Variants in XRRA1 observed in about 807,000 individuals in gnomAD.
The protein encoded by XRRA1 is X-ray radiation resistance associated 1, also known as X-ray radiation resistance-associated protein 1.
XRRA1 carries 69 observed loss-of-function variants against 80.2 expected under a neutral mutation model. The ratio of observed to expected loss-of-function variants is 0.86; its 90% CI spans 0.71 to 1.05. The LOEUF is 1.05. XRRA1 is among the 50% of genes least tolerant of loss of function. XRRA1 has a pLI of 0.00. For synonymous variants in XRRA1, 348 were observed against 389.9 expected (o/e 0.89, Z 1.27); for missense variants, 967 against 976.4 (o/e 0.99, Z 0.13).
At chr11:74,902,441 G>T (rs965306564) in intron 10 of XRRA1, among the ~76,000 whole-genome samples, 9 of 151,996 alleles carry the variant, frequency 5.9e-5, no homozygotes, top group African/African-American at 2.2e-4. Flanking sequence ...AGGGAAATCG[G>T]TATATCAGAG....
chr11:74,865,352 T>G lies in XRRA1; in HGVS notation c.1004-2331A>C, dbSNP rs532599274. ...GGAACTATCCTATCTGTGCAGGAAC[T>G]TGCTAGGCAATGTGCACCTCCCTGA... On this transcript the variant is annotated intron_variant, in intron 10 of 18. Coordinates refer to ENST00000684022, the MANE Select transcript of XRRA1 (RefSeq NM_001378157.1). 2.6e-5 allele frequency among the ~76,000 whole-genome samples: 4 copies of G among 152,298 alleles called. No individual in the cohort carries two copies. In the East Asian group the frequency reaches 7.7e-4, roughly 29 times the overall value.
At chr11:74,904,304 A>T (rs1276873634) in intron 10 of XRRA1, among the ~76,000 whole-genome samples, 1 of 152,052 alleles carries the variant, frequency 6.6e-6, no homozygotes, top group Non-Finnish European at 1.5e-5. Flanking sequence ...TTAAAATGTG[A>T]ATTAAAAGTT....
At chr11:74,859,313 G>C (rs1325723998) in intron 11 of XRRA1, 30 bp from the exon 12 acceptor site, 3 of 1,586,522 alleles carry the variant, frequency 1.9e-6, no homozygotes, top group Non-Finnish European at 2.6e-6. Flanking sequence ...CAAAATCAAA[G>C]TGCCCGATAA....
intron 10 of XRRA1, among the ~76,000 whole-genome samples, chr11:74,871,312 A>G (rs2044721631): frequency 6.6e-6 from 1 of 152,128 alleles, no homozygotes; most frequent in African/African-American, 2.4e-5. Context: ...CAGTTGGGGG[A>G]TGCTCCCATT....
Position 74,842,094 on chromosome 11 carries a change from C to T in XRRA1, c.*1106G>A, listed in dbSNP as rs1203956371. On this transcript the variant is annotated 3_prime_UTR_variant, in exon 19 of 19. Coordinates refer to ENST00000684022, the MANE Select transcript of XRRA1 (RefSeq NM_001378157.1). ...GTCCTAAGGGCCTTTTCCCCTCCTG[C>T]CTAGAAAATAGGTTGTGTATTGGTT... is the stretch of plus-strand genomic sequence containing the variant. 2.0e-5 allele frequency: 3 copies of T among 152,010 alleles called. No individual in the cohort carries two copies. Among genetic ancestry groups the T allele is most frequent in the Non-Finnish European group, 2.9e-5 (2 of 68,016 alleles). The allele number at this position is 152,010 out of a possible 1,614,324, so 9.4% of individuals were successfully genotyped here. A position where few individuals can be genotyped will look rare whatever the true frequency, so the allele number is the denominator to read the frequency against.
At chr11:74,927,925 C>T (rs1357160153) in intron 6 of XRRA1, among the ~76,000 whole-genome samples, 4 of 152,220 alleles carry the variant, frequency 2.6e-5, no homozygotes, top group African/African-American at 9.6e-5. Context: ...AACTTTTTCT[C>T]ATGTATATAT....
chr11:74,845,327 G>C (rs1449843478), intron 15 of XRRA1, 56 bp from the exon 16 acceptor site: 3 of 1,524,110 alleles, frequency 2.0e-6, no homozygotes, highest in African/African-American at 1.4e-5. Context: ...TTCATTCCAT[G>C]AACATTCGGA....
At chr11:74,945,999 GT>G (rs1565469925) in intron 1 of XRRA1, among the ~76,000 whole-genome samples, 1 of 151,712 alleles carries the variant, frequency 6.6e-6, no homozygotes, top group African/African-American at 2.4e-5. Context: ...GTCTCACTCT[GT>G]TACCCAGGCT....
chr11:74,927,610 A>G, intron 6 of XRRA1, 122 bp from the exon 7 acceptor site: 1 of 560,394 alleles, frequency 1.8e-6, no homozygotes, highest in South Asian at 2.5e-5. Flanking sequence ...GGTACTTTAC[A>G]TACATGGCCT....
chr11:74,914,437 G>T (rs1937832796), intron 8 of XRRA1, among the ~76,000 whole-genome samples: 1 of 152,186 alleles, frequency 6.6e-6, no homozygotes, highest in African/African-American at 2.4e-5. Flanking sequence ...CTCTTCCATT[G>T]GGCATATGAC....
At chr11:74,846,650 A>G (rs1003958195) in intron 15 of XRRA1, among the ~76,000 whole-genome samples, 1 of 152,138 alleles carries the variant, frequency 6.6e-6, no homozygotes, top group African/African-American at 2.4e-5. Context: ...TTAATATAAT[A>G]TATCAAAACC....
At chr11:74,932,673 T>G (rs1487457898) in intron 5 of XRRA1, among the ~76,000 whole-genome samples, 1 of 152,246 alleles carries the variant, frequency 6.6e-6, no homozygotes, top group East Asian at 1.9e-4. Flanking sequence ...CTCTGAAATC[T>G]TCTATGACTT....
chr11:74,859,116 C>T (rs1404455107), intron 12 of XRRA1, 42 bp downstream of exon 12: 1 of 1,544,476 alleles, frequency 6.5e-7, no homozygotes, highest in Non-Finnish European at 8.7e-7. Context: ...CCCACCTTCC[C>T]ATCTGTGCCC....
intron 10 of XRRA1, among the ~76,000 whole-genome samples, chr11:74,874,044 T>C (rs2045492141): frequency 6.6e-6 from 1 of 151,842 alleles, no homozygotes; most frequent in Admixed American, 6.6e-5. Flanking sequence ...AAGACCATCC[T>C]GGCCAACATG....
At chr11:74,913,089 T>C (rs899040153) in intron 8 of XRRA1, among the ~76,000 whole-genome samples, 4 of 152,196 alleles carry the variant, frequency 2.6e-5, no homozygotes, top group African/African-American at 9.7e-5. Context: ...AAGTCACATA[T>C]CTACCCTGAA....
chr11:74,919,026 G>A (rs1454202153), intron 8 of XRRA1: 1 of 152,220 alleles, frequency 6.6e-6, no homozygotes, highest in Non-Finnish European at 1.5e-5. Flanking sequence ...CTGATCTCTG[G>A]TTATCAACGC....
intron 10 of XRRA1, among the ~76,000 whole-genome samples, chr11:74,897,413 G>C (rs1350205099): frequency 1.3e-5 from 2 of 152,114 alleles, no homozygotes; most frequent in Admixed American, 1.3e-4. Flanking sequence ...TTAAAGAGGA[G>C]GTAGAACATG....
chr11:74,870,163 T>TA (rs1413078047), intron 10 of XRRA1, among the ~76,000 whole-genome samples: 1 of 152,224 alleles, frequency 6.6e-6, no homozygotes, highest in African/African-American at 2.4e-5. Context: ...TCTCAAGACT[T>TA]AGACAACAGG....
intron 4 of XRRA1, among the ~76,000 whole-genome samples, chr11:74,934,204 T>C (rs1555100307): frequency 2.6e-5 from 4 of 152,232 alleles, no homozygotes; most frequent in Non-Finnish European, 5.9e-5. Context: ...GTCCCACAGT[T>C]AGTAAGTGAC....
Sources: allele counts gnomAD v4.1 joint callset (sites outside exome capture counted in the v4.1 genomes callset), GRCh38; gene constraint gnomAD v4.1.1; transcripts MANE v1.5; gene names NCBI Gene and HGNC (gene_info 2026-07-23, HGNC 2026-07-21).